SLC12A7: variants seen among roughly 807,000 people sequenced by gnomAD.
SLC12A7 encodes the protein solute carrier family 12 member 7.
SLC12A7 carries 100 observed loss-of-function variants against 120.6 expected under a neutral mutation model. The ratio of observed to expected loss-of-function variants is 0.83; its 90% CI spans 0.71 to 0.98. SLC12A7 has a LOEUF of 0.98. Among genes scored for constraint, SLC12A7 ranks in the 50% least tolerant of loss-of-function variants. The probability of loss-of-function intolerance (pLI) is 0.00; values close to 1 mark genes in which losing one functional copy is unlikely to be tolerated. For synonymous variants in SLC12A7, 760 were observed against 678.0 expected, an observed-to-expected ratio of 1.12 and a Z score of -1.88; for missense variants, 1,373 against 1,548.1, an observed-to-expected ratio of 0.89 and a Z score of 1.90.
intron 1 of SLC12A7, among the ~76,000 whole-genome samples, chr5:1,104,456 G>A (rs555861900): frequency 6.6e-6 from 1 of 152,366 alleles, no homozygotes; most frequent in South Asian, 2.1e-4. Flanking sequence ...CCAGGCCATG[G>A]CAGACACACA....
intron 1 of SLC12A7, among the ~76,000 whole-genome samples, chr5:1,096,844 GGGAAGGAGGGAGGGAGGGAT>G (rs1741285935): frequency 2.1e-5 from 1 of 47,392 alleles, no homozygotes; most frequent in Non-Finnish European, 3.9e-5. Flanking sequence ...GAGGGAGGGA[GGGAAGGAGGGAGGGAGGGAT>G]GAAGGGAGGG....
intron 22 of SLC12A7, among the ~76,000 whole-genome samples, chr5:1,055,765 C>T (rs1045752797): frequency 3.9e-5 from 6 of 152,218 alleles, no homozygotes; most frequent in African/African-American, 1.2e-4. Flanking sequence ...CGTCGTTCTT[C>T]GGCTTTAATT....
At chr5:1,113,229 G>A (rs1743173358), upstream of SLC12A7, among the ~76,000 whole-genome samples, 1 of 152,238 alleles carries the variant, frequency 6.6e-6, no homozygotes, top group Non-Finnish European at 1.5e-5. Context: ...AAACACAGGT[G>A]GTGTGGGCAA....
chr5:1,062,079 A>G (rs1256788087), intron 20 of SLC12A7, among the ~76,000 whole-genome samples: 2 of 152,118 alleles, frequency 1.3e-5, no homozygotes, highest in African/African-American at 2.4e-5. Context: ...GGCTGGGAGC[A>G]TGGGGGGTGC....
In SLC12A7 at chr5:1,099,167, C is replaced by T. The variant is rs1431608746; in HGVS notation, c.125-4919G>A. 2.6e-5 allele frequency among the ~76,000 whole-genome samples: 4 copies of T among 152,158 alleles called. No homozygotes were observed. The East Asian group carries it at 7.7e-4, about 29-fold the overall frequency. On this transcript the variant is annotated intron_variant, in intron 1 of 23. Transcript: ENST00000264930. ...AGGGTGAAGCGGGGGCGAGGGATGG[C>T]CCAACAACCCAGATCAGGTCTCCCC...
upstream of SLC12A7, among the ~76,000 whole-genome samples, chr5:1,114,702 A>G (rs1743246669): frequency 6.6e-6 from 1 of 151,390 alleles, no homozygotes; most frequent in African/African-American, 2.4e-5. Context: ...GTCTCCTGGA[A>G]GTGGGCACCT....
Position 1,065,335 on chromosome 5 carries a change from C to T in SLC12A7, c.2385G>A (p.Trp795Ter). 1 of 1,603,616 alleles carries T rather than the reference C, an allele frequency of 6.2e-7. No homozygotes were observed. The change falls in exon 18 of 24, where the codon TGG becomes TGA. Residue 795 changes from tryptophan (W) to a stop codon, truncating the protein, a stop_gained. Transcript: ENST00000264930. LOFTEE classifies it high-confidence loss of function. ...GLKHNTVLMA[W>*]PASWKQEDNP... is the part of the protein sequence containing the mutation. ...TGTCCTCCTGCTTCCAGGATGCGGG[C>T]CAGGCCATGAGCACCGTGTTGTGCT...
At chr5:1,074,359 G>A (rs909419509) in intron 16 of SLC12A7, among the ~76,000 whole-genome samples, 7 of 152,154 alleles carry the variant, frequency 4.6e-5, no homozygotes, top group African/African-American at 1.2e-4. Flanking sequence ...CAGAGGGGCC[G>A]GCTCCCCACA....
chr5:1,106,955 C>A (rs1742574567), intron 1 of SLC12A7, among the ~76,000 whole-genome samples: 1 of 152,228 alleles, frequency 6.6e-6, no homozygotes, highest in South Asian at 2.1e-4. Flanking sequence ...GCTCTGCTCG[C>A]CGGAGGCAAA....
chr5:1,073,554 G>A (rs1038969654), intron 17 of SLC12A7, 79 bp downstream of exon 17: 176 of 1,456,918 alleles, frequency 1.2e-4, no homozygotes, highest in South Asian at 6.1e-4. Flanking sequence ...GACACGCTGC[G>A]ATGAGGACAT....
intron 1 of SLC12A7, among the ~76,000 whole-genome samples, chr5:1,096,774 AGGGGGGG>A (rs1561098149): frequency 0.014 from 96 of 6,776 alleles, 7 homozygotes; most frequent in South Asian, 0.045. Flanking sequence ...GAAAGGAGGG[AGGGGGGG>A]AGGGAGGGAA....
rs1008174283 is a variant in SLC12A7 at position 1,091,196 on chromosome 5, C to G, written c.343-2068G>C. 2.6e-5 allele frequency among the ~76,000 whole-genome samples: 4 copies of G among 152,204 alleles called. No homozygotes were observed. In the East Asian group the frequency reaches 7.7e-4, roughly 29 times the overall value. On this transcript the variant is annotated intron_variant, in intron 3 of 23. Transcript: ENST00000264930. Reference sequence around the variant, plus strand: ...TGGGGGTAGGGTTGCCAGGGAGGGCCAGGGAGAGCCTTCCAGGTGGGAACC... The same window carrying G: ...TGGGGGTAGGGTTGCCAGGGAGGGCGAGGGAGAGCCTTCCAGGTGGGAACC...
Position 1,065,380 on chromosome 5 carries a change from C to T in SLC12A7, c.2340G>A (p.Ser780=), listed in dbSNP as rs141087631. 8.4e-5 allele frequency: 136 copies of T among 1,612,616 alleles called. 1 individual carries two copies. In the Middle Eastern group the frequency reaches 1.3e-3, roughly 16 times the overall value. The part of the protein sequence containing the change: ...LRDGMSHLIQ[S]AGLGGLKHNT... ...TGTGCTTCAGGCCGCCCAGGCCGGCCGACTGGATCAGGTGGGACATGCCAT... is the reference window on the plus strand; with the variant it reads ...TGTGCTTCAGGCCGCCCAGGCCGGCTGACTGGATCAGGTGGGACATGCCAT... The change falls in exon 18 of 24, where the codon TCG becomes TCA. Residue 780 remains serine (S), a synonymous_variant. Coordinates refer to ENST00000264930, the MANE Select transcript of SLC12A7 (RefSeq NM_006598.3).
chr5:1,070,458 C>T (rs1221521787), intron 17 of SLC12A7, among the ~76,000 whole-genome samples: 5 of 3,778 alleles, frequency 1.3e-3, no homozygotes, highest in African/African-American at 2.0e-3. Context: ...AGCACACGGG[C>T]ATCACACTTA....
the SLC12A7 span, among the ~76,000 whole-genome samples, chr5:1,133,610 C>T: frequency 1.3e-5 from 2 of 152,172 alleles, no homozygotes; most frequent in East Asian, 1.9e-4. Flanking sequence ...CTGCTGCTGA[C>T]GCTGACGCTT....
At chr5:1,111,152 G>C (rs529397474) in intron 1 of SLC12A7, among the ~76,000 whole-genome samples, 2 of 152,210 alleles carry the variant, frequency 1.3e-5, no homozygotes, top group South Asian at 2.1e-4. Context: ...CCGGTTTCTA[G>C]AGGGGGCTGA....
At chr5:1,099,029 A>G (rs1204204994) in intron 1 of SLC12A7, among the ~76,000 whole-genome samples, 3 of 152,042 alleles carry the variant, frequency 2.0e-5, no homozygotes, top group Non-Finnish European at 4.4e-5. Flanking sequence ...CGTGCGGTGC[A>G]GGAAGGTGAG....
chr5:1,054,478 G>A (rs1208468571), intron 22 of SLC12A7, among the ~76,000 whole-genome samples: 1 of 152,252 alleles, frequency 6.6e-6, no homozygotes, highest in African/African-American at 2.4e-5. Flanking sequence ...CAGCAGAACT[G>A]GCGTTCCAGG....
In SLC12A7 at chr5:1,057,605, C is replaced by G; in HGVS notation, c.2892G>C (p.Ala964=). ...HDRNTASHTA[A]AARTQAPPTP... Reference sequence around the variant, plus strand: ...TAGGCGGCGCTTGGGTCCTGGCTGCCGCCGCGGTGTGGGACGCGGTGTTCC... The same window carrying G: ...TAGGCGGCGCTTGGGTCCTGGCTGCGGCCGCGGTGTGGGACGCGGTGTTCC... The change falls in exon 22 of 24, where the codon GCG becomes GCC. Residue 964 remains alanine (A), a synonymous_variant. Transcript: ENST00000264930. The G allele has an allele frequency of 6.2e-7, 1 of 1,608,058 alleles. No homozygotes were observed. The highest frequency in any genetic ancestry group is 8.5e-7 in the Non-Finnish European group (1 of 1,179,868).
Sources: allele counts gnomAD v4.1 joint callset (sites outside exome capture counted in the v4.1 genomes callset), GRCh38; gene constraint gnomAD v4.1.1; transcripts MANE v1.5; gene names NCBI Gene and HGNC (gene_info 2026-07-23, HGNC 2026-07-21).